Variants in ZNF804B observed in about 807,000 individuals in gnomAD.
The protein encoded by ZNF804B is zinc finger protein 804B.
A neutral mutation model predicts 101.4 loss-of-function variants in ZNF804B; 80 were observed. The ratio of observed to expected loss-of-function variants is 0.79; its 90% CI spans 0.66 to 0.95. ZNF804B has a LOEUF of 0.95. Among genes scored for constraint, ZNF804B ranks in the 40% least tolerant of loss-of-function variants. The pLI, the probability that ZNF804B is intolerant of heterozygous loss-of-function variation, is 0.00. For synonymous variants in ZNF804B, 622 were observed against 558.8 expected (o/e 1.11, Z -1.59); for missense variants, 1,673 against 1,561.9 (o/e 1.07, Z -1.20).
At chr7:89,096,109 C>A (rs1265627669) in intron 1 of ZNF804B, among the ~76,000 whole-genome samples, 8 of 148,792 alleles carry the variant, frequency 5.4e-5, no homozygotes, top group Non-Finnish European at 1.0e-4. Context: ...GAGTGGAGAT[C>A]ACGCCACTGC....
At chr7:88,972,887 G>A (rs1793558384) in intron 1 of ZNF804B, among the ~76,000 whole-genome samples, 1 of 151,448 alleles carries the variant, frequency 6.6e-6, no homozygotes, top group South Asian at 2.1e-4. Flanking sequence ...ATGAGTGACA[G>A]ACTTGCAGAT....
chr7:89,297,035 A>G lies in ZNF804B; in HGVS notation c.250-30309A>G, dbSNP rs990306669. On this transcript the variant is annotated intron_variant, in intron 2 of 3. Coordinates refer to ENST00000333190, the MANE Select transcript of ZNF804B (RefSeq NM_181646.5). ...GTACAAAATTGAGCGGTCAAGAAAT[A>G]TAAGCTTAACATAGCCCCTCAGCTG... Among the ~76,000 whole-genome samples, 4 of 152,222 alleles carry G rather than the reference A, an allele frequency of 2.6e-5. No individual in the cohort carries two copies. The South Asian group carries it at 8.3e-4, about 32-fold the overall frequency.
At position 89,173,947 on chromosome 7, in the gene ZNF804B, A is replaced by AT. The variant is rs750631074; in HGVS notation, c.109-44203dup. Among the ~76,000 whole-genome samples, 7 of 151,856 alleles carry AT rather than the reference A, an allele frequency of 4.6e-5. No individual in the cohort carries two copies. The East Asian group carries it at 1.4e-3, about 29-fold the overall frequency. On this transcript the variant is annotated intron_variant, in intron 1 of 3. Transcript: ENST00000333190. The stretch of plus-strand genomic sequence containing the variant: ...AATGATATTTTTATTTATATTTTTA[A>AT]TTTTTACAGGTACTTAGTAGGTATA...
intron 1 of ZNF804B, among the ~76,000 whole-genome samples, chr7:89,027,702 A>C (rs1042946057): frequency 9.9e-5 from 15 of 152,160 alleles, no homozygotes; most frequent in Admixed American, 6.6e-5. Flanking sequence ...GAAAACGAAG[A>C]AGGTCATGAA....
rs181913924 is a variant in ZNF804B, at chr7:89,007,211, A to C, written c.109-210944A>C. On this transcript the variant is annotated intron_variant, in intron 1 of 3. Coordinates refer to ENST00000333190, the MANE Select transcript of ZNF804B (RefSeq NM_181646.5). ...TTAGATTTCATAAAGAATCTAGAGG[A>C]GGCATCTCTTACTACCTACGCTAAA... 9.2e-5 allele frequency among the ~76,000 whole-genome samples: 14 copies of C among 152,070 alleles called. No individual in the cohort carries two copies. The Middle Eastern group carries it at 0.02, about 222-fold the overall frequency.
intron 1 of ZNF804B, among the ~76,000 whole-genome samples, chr7:88,828,725 T>C (rs1408679782): frequency 4.6e-5 from 7 of 152,176 alleles, no homozygotes; most frequent in Non-Finnish European, 1.0e-4. Flanking sequence ...ATTGAGATGA[T>C]CATATGATTT....
At chr7:89,153,926 G>A (rs747927166) in intron 1 of ZNF804B, among the ~76,000 whole-genome samples, 32 of 152,076 alleles carry the variant, frequency 2.1e-4, no homozygotes, top group South Asian at 8.3e-4. Flanking sequence ...ATTTCTTTCC[G>A]TTTTGACCAT....
At chr7:89,059,991 C>T (rs1789354313) in intron 1 of ZNF804B, among the ~76,000 whole-genome samples, 1 of 152,244 alleles carries the variant, frequency 6.6e-6, no homozygotes, top group Admixed American at 6.5e-5. Context: ...TCTGGACTGA[C>T]TCACTAGGCT....
At chr7:88,947,897 C>T (rs905853980) in intron 1 of ZNF804B, among the ~76,000 whole-genome samples, 12 of 151,826 alleles carry the variant, frequency 7.9e-5, no homozygotes, top group Non-Finnish European at 1.5e-5. Context: ...GTCATGCAAC[C>T]AATTCTCAAG....
In ZNF804B at chr7:88,931,824, A is replaced by T. The variant is rs147512563; in HGVS notation, c.108+171740A>T. Among the ~76,000 whole-genome samples, 951 of 151,910 alleles carry T rather than the reference A, an allele frequency of 6.3e-3. 13 individuals are homozygous for T. The highest frequency in any genetic ancestry group is 0.022 in the African/African-American group (899 of 41,524). On this transcript the variant is annotated intron_variant, in intron 1 of 3. Coordinates refer to ENST00000333190, the MANE Select transcript of ZNF804B (RefSeq NM_181646.5). ...AGAAAAGTGATTCAATGTTTTTTTT[A>T]AAAAACTTCAAAACACTTGTTCACA...
intron 1 of ZNF804B, among the ~76,000 whole-genome samples, chr7:88,866,278 G>T (rs1169172711): frequency 6.6e-6 from 1 of 152,180 alleles, no homozygotes; most frequent in Admixed American, 6.5e-5. Context: ...AGATGGCCAT[G>T]ATCAATTATT....
intron 1 of ZNF804B, among the ~76,000 whole-genome samples, chr7:88,900,488 C>T (rs1792372390): frequency 6.7e-6 from 1 of 149,804 alleles, no homozygotes; most frequent in South Asian, 2.1e-4. Context: ...AGTATTTTTC[C>T]ATTTGATCTA....
At chr7:89,059,721 C>A (rs1789348501) in intron 1 of ZNF804B, among the ~76,000 whole-genome samples, 1 of 152,056 alleles carries the variant, frequency 6.6e-6, no homozygotes, top group African/African-American at 2.4e-5. Context: ...TTGACAAGGG[C>A]TATTCTGACT....
rs1584133815 is a variant in ZNF804B, at chr7:89,335,820, C to A, written c.2838C>A (p.Ile946=). The A allele has an allele frequency of 6.2e-7, 1 of 1,614,036 alleles. No individual in the cohort carries two copies. Among genetic ancestry groups the A allele is most frequent in the Non-Finnish European group, 8.5e-7 (1 of 1,179,968 alleles). ...KCQEQSSNVE[I]SSNSCKSELE... ...AAGAACAATCAAGTAATGTTGAGAT[C>A]TCTTCAAACAGTTGTAAAAGTGAAT... Residue 946 remains isoleucine (I), a synonymous_variant, in exon 4 of 4, where the codon ATC becomes ATA. Coordinates refer to ENST00000333190, the MANE Select transcript of ZNF804B (RefSeq NM_181646.5).
chr7:88,809,327 C>G (rs1790742317), intron 1 of ZNF804B, among the ~76,000 whole-genome samples: 1 of 127,926 alleles, frequency 7.8e-6, no homozygotes, highest in African/African-American at 2.7e-5. Context: ...ATCTATCTAT[C>G]TATCTATCTA....
intron 1 of ZNF804B, among the ~76,000 whole-genome samples, chr7:88,898,973 A>G (rs7804335): frequency 2.6e-5 from 4 of 151,462 alleles, no homozygotes; most frequent in Non-Finnish European, 5.9e-5. Flanking sequence ...TCTAGAGCCA[A>G]TCAGAGCCAA....
intron 1 of ZNF804B, among the ~76,000 whole-genome samples, chr7:88,890,548 G>T (rs1354608973): frequency 6.6e-6 from 1 of 152,148 alleles, no homozygotes; most frequent in Non-Finnish European, 1.5e-5. Flanking sequence ...ATATTGTCAG[G>T]TTGGATTTTA....
intron 1 of ZNF804B, among the ~76,000 whole-genome samples, chr7:88,774,159 T>C (rs1790109750): frequency 2.0e-5 from 3 of 151,998 alleles, no homozygotes; most frequent in African/African-American, 7.2e-5. Context: ...CAATTCTAAA[T>C]TTTTATCTAG....
At chr7:89,152,570 T>C (rs1488816672) in intron 1 of ZNF804B, among the ~76,000 whole-genome samples, 1 of 152,166 alleles carries the variant, frequency 6.6e-6, no homozygotes, top group Non-Finnish European at 1.5e-5. Flanking sequence ...ATTATTATGA[T>C]CTTTATGTTT....
Sources: allele counts gnomAD v4.1 joint callset (sites outside exome capture counted in the v4.1 genomes callset), GRCh38; gene constraint gnomAD v4.1.1; transcripts MANE v1.5; gene names NCBI Gene and HGNC (gene_info 2026-07-23, HGNC 2026-07-21).